APBB2: variants seen among roughly 807,000 people sequenced by gnomAD.
APBB2 encodes the protein Fe65-like 1.
In APBB2, 38 loss-of-function variants were observed where a neutral mutation model predicts 82.5. The ratio of observed to expected loss-of-function variants is 0.46; its 90% CI spans 0.36 to 0.60. The LOEUF (loss-of-function observed/expected upper bound fraction) is 0.60, where lower values mean the gene tolerates loss of function less well. Ranked by LOEUF, APBB2 falls within the 20% of genes least tolerant of loss-of-function variation. The pLI is 0.00. For synonymous variants in APBB2, 341 were observed against 368.2 expected (o/e 0.93, Z 0.85); for missense variants, 772 against 972.3 (o/e 0.79, Z 2.74).
chr4:40,907,377 A>AT (rs1777245642), intron 10 of APBB2, among the ~76,000 whole-genome samples: 3 of 28,284 alleles, frequency 1.1e-4, no homozygotes, highest in African/African-American at 5.8e-4. Flanking sequence ...ATATATATAT[A>AT]TATTTTTTTT....
At chr4:41,133,380 G>T (rs969085185) in intron 2 of APBB2, among the ~76,000 whole-genome samples, 2 of 151,822 alleles carry the variant, frequency 1.3e-5, no homozygotes, top group African/African-American at 4.8e-5. Context: ...TTTTTTGCAC[G>T]TGCTGGAAGT....
chr4:40,840,802 T>C (rs1755539942), intron 12 of APBB2, among the ~76,000 whole-genome samples: 1 of 152,122 alleles, frequency 6.6e-6, no homozygotes, highest in Non-Finnish European at 1.5e-5. Context: ...TAGCCCTCTC[T>C]AGAACAGGGT....
intron 5 of APBB2, among the ~76,000 whole-genome samples, chr4:41,023,818 A>G (rs1301644263): frequency 6.6e-6 from 1 of 152,232 alleles, no homozygotes; most frequent in Non-Finnish European, 1.5e-5. Flanking sequence ...TCACAGAACT[A>G]AAGAAAATTA....
At chr4:41,042,002 T>A (rs910641044) in intron 4 of APBB2, among the ~76,000 whole-genome samples, 34 of 152,184 alleles carry the variant, frequency 2.2e-4, no homozygotes, top group African/African-American at 7.7e-4. Context: ...TCTTTTTTTT[T>A]ATTTTTTTGA....
At chr4:40,982,231 AAAG>A (rs757586555) in intron 6 of APBB2, among the ~76,000 whole-genome samples, 1,454 of 6,286 alleles carry the variant, frequency 0.23, 162 homozygotes, top group South Asian at 0.27. Flanking sequence ...GGAAAGAAAG[AAAG>A]AAAGAAAGAA....
At chr4:41,047,966 T>C (rs572718491) in intron 4 of APBB2, among the ~76,000 whole-genome samples, 22 of 152,366 alleles carry the variant, frequency 1.4e-4, no homozygotes, top group East Asian at 1.2e-3. Context: ...AAATCTCTTT[T>C]AAGTTTTTGT....
chr4:41,190,089 T>A (rs1340358167), intron 1 of APBB2, among the ~76,000 whole-genome samples: 1 of 132,864 alleles, frequency 7.5e-6, no homozygotes, highest in Non-Finnish European at 1.6e-5. Context: ...GTGCTATTAT[T>A]TTTTTTCATT....
At chr4:40,997,511 T>C (rs1483371454) in intron 6 of APBB2, among the ~76,000 whole-genome samples, 1 of 152,202 alleles carries the variant, frequency 6.6e-6, no homozygotes, top group Non-Finnish European at 1.5e-5. Flanking sequence ...TACCTACCTA[T>C]TTGACTTTCT....
intron 12 of APBB2, among the ~76,000 whole-genome samples, chr4:40,871,083 T>TGTC (rs1765396610): frequency 6.6e-6 from 1 of 152,062 alleles, no homozygotes; most frequent in African/African-American, 2.4e-5. Flanking sequence ...TAATCCAGGA[T>TGTC]AATATCCTCA....
Position 40,880,677 on chromosome 4 carries a change from C to T in APBB2, c.1529+9687G>A, listed in dbSNP as rs574974564. The T allele has an allele frequency of 3.9e-5, 38 of 985,422 alleles. No individual in the cohort carries two copies. In the South Asian group the frequency reaches 1.1e-3, roughly 29 times the overall value. 61.0% of individuals were successfully genotyped at this position (985,422 alleles called of 1,614,324 possible). ...ACAGAGAATCAAACATGATAGATCT[C>T]CCTCGCTCTGCATCCAGAAAGGCCC... On this transcript the variant is annotated intron_variant, in intron 12 of 17. Transcript: ENST00000508593.
intron 2 of APBB2, among the ~76,000 whole-genome samples, chr4:41,119,358 T>C (rs1752100010): frequency 6.6e-6 from 1 of 151,982 alleles, no homozygotes; most frequent in African/African-American, 2.4e-5. Context: ...CTTAATCTCA[T>C]GCATTTATAT....
At chr4:41,210,683 T>C (rs561272700) in intron 1 of APBB2, among the ~76,000 whole-genome samples, 30 of 152,362 alleles carry the variant, frequency 2.0e-4, no homozygotes, top group African/African-American at 7.0e-4. Flanking sequence ...TAGAACCTTC[T>C]TGAAAACATT....
At chr4:41,080,561 T>G (rs1737222368) in intron 3 of APBB2, among the ~76,000 whole-genome samples, 1 of 152,210 alleles carries the variant, frequency 6.6e-6, no homozygotes, top group Non-Finnish European at 1.5e-5. Flanking sequence ...CAAAGCTTGA[T>G]GCCTGCATAT....
In APBB2 at chr4:41,013,870, T is replaced by C. The variant is rs374154927; in HGVS notation, c.548A>G (p.His183Arg). Reference sequence around the variant, plus strand: ...CTGGGATTTCTCTTCCGCAGTCCCATGGTGATTGCCTCGGTTCTGCTCTAG... The same window carrying C: ...CTGGGATTTCTCTTCCGCAGTCCCACGGTGATTGCCTCGGTTCTGCTCTAG... ...RELEQNRGNH[H>R]GTAEEKSQPV... Residue 183 changes from histidine (H) to arginine (R), a missense_variant, in exon 6 of 18, where the codon CAT becomes CGT. By Grantham distance (29) the His-to-Arg change is conservative. Coordinates refer to ENST00000508593, the MANE Select transcript of APBB2 (RefSeq NM_004307.2). 1.5e-5 allele frequency: 24 copies of C among 1,614,070 alleles called. No homozygotes were observed. The highest frequency in any genetic ancestry group is 1.9e-5 in the Non-Finnish European group (23 of 1,180,042).
At chr4:40,908,985 C>A (rs1201712234) in intron 10 of APBB2, among the ~76,000 whole-genome samples, 2 of 152,220 alleles carry the variant, frequency 1.3e-5, no homozygotes, top group Non-Finnish European at 2.9e-5. Context: ...CTCCAGGCCA[C>A]AGCACTGCTC....
chr4:41,033,341 A>G (rs940162114), intron 4 of APBB2, 37 bp from the exon 5 acceptor site: 106 of 1,303,630 alleles, frequency 8.1e-5, no homozygotes, highest in Middle Eastern at 1.9e-4. Flanking sequence ...TTAAAACTCC[A>G]AATAACAAAG....
At chr4:41,140,438 C>T (rs1758788103) in intron 2 of APBB2, among the ~76,000 whole-genome samples, 1 of 152,098 alleles carries the variant, frequency 6.6e-6, no homozygotes, top group Non-Finnish European at 1.5e-5. Context: ...CCTCTTCTAC[C>T]TTGTTAAATA....
In APBB2 at chr4:40,982,295, AAGGAAGGAAG is replaced by A. The variant is rs1798925070; in HGVS notation, c.835+31278_835+31287del. Among the ~76,000 whole-genome samples the A allele has an allele frequency of 2.6e-4, 11 of 42,762 alleles. 1 individual carries two copies. Among genetic ancestry groups the A allele is most frequent in the African/African-American group, 1.4e-3 (11 of 7,942 alleles). The allele number at this position is 42,762 out of a possible 152,430, so 28.1% of individuals were successfully genotyped here. A position where few individuals can be genotyped will look rare whatever the true frequency, so the allele number is the denominator to read the frequency against. ...GAAAGAAAGAAAGAAGGAAGGAAGG[AAGGAAGGAAG>A]GAAAGAAAGAAAGAAAGAAAAGAAA... On this transcript the variant is annotated intron_variant, in intron 6 of 17. Transcript: ENST00000508593.
chr4:41,055,168 G>A (rs1408907411), intron 4 of APBB2, among the ~76,000 whole-genome samples: 3 of 152,186 alleles, frequency 2.0e-5, no homozygotes, highest in Non-Finnish European at 4.4e-5. Context: ...CATAGACTGG[G>A]CTTTCCCCAT....
Sources: gnomAD v4.1 joint callset for allele counts (sites outside exome capture counted in the v4.1 genomes callset) on GRCh38, gnomAD v4.1.1 for gene constraint, MANE v1.5 for transcripts, NCBI Gene and HGNC (gene_info 2026-07-23, HGNC 2026-07-21) for gene names.